Variants in ITGA6 observed in about 807,000 individuals in gnomAD.
ITGA6 encodes integrin alpha-6.
In ITGA6, 63 loss-of-function variants were observed where a neutral mutation model predicts 133.6. That is an observed-to-expected ratio of 0.47 (90% CI 0.38 to 0.58). The LOEUF is 0.58. Among genes scored for constraint, ITGA6 ranks in the 20% least tolerant of loss-of-function variants. The pLI, the probability that ITGA6 is intolerant of heterozygous loss-of-function variation, is 0.00. For synonymous variants in ITGA6, 434 were observed against 482.0 expected (o/e 0.90, Z 1.30); for missense variants, 1,068 against 1,309.4 (o/e 0.82, Z 2.85).
At position 172,427,608 on chromosome 2, in the gene ITGA6, G is replaced by T; in HGVS notation, c.-181G>T. On this transcript the variant is annotated 5_prime_UTR_variant, in exon 1 of 26. Coordinates refer to ENST00000684293, the MANE Select transcript of ITGA6 (RefSeq NM_000210.4). ...AACAACGGGCTCATTCAGCGGTCGC[G>T]AGCTGCCCGCGAGGGGGAGCGGCCG... 1 of 1,276,256 alleles carries T rather than the reference G, an allele frequency of 7.8e-7. No homozygotes were observed. The allele number at this position is 1,276,256 out of a possible 1,614,324, so 79.1% of individuals were successfully genotyped here.
chr2:172,470,969 T>G lies in ITGA6; in HGVS notation c.644-5T>G. On this transcript the variant is annotated splice_polypyrimidine_tract_variant and splice_region_variant and intron_variant, in intron 4 of 25. Coordinates refer to ENST00000684293, the MANE Select transcript of ITGA6 (RefSeq NM_000210.4). ...TTTGTTGTTTTTACCATTTCATTCC[T>G]TTAGGGATTGTTCGTGTAGAGCAAA... is the stretch of plus-strand genomic sequence containing the variant. The G allele has an allele frequency of 6.2e-7, 1 of 1,613,892 alleles. No individual in the cohort carries two copies. Among genetic ancestry groups the G allele is most frequent in the South Asian group, 1.1e-5 (1 of 91,080 alleles).
chr2:172,453,163 C>G (rs1685075257), intron 1 of ITGA6, among the ~76,000 whole-genome samples: 1 of 152,044 alleles, frequency 6.6e-6, no homozygotes, highest in Non-Finnish European at 1.5e-5. Flanking sequence ...GATTTGCAGA[C>G]AAAACTTTTT....
At chr2:172,469,812 T>C (rs754630194) in intron 4 of ITGA6, among the ~76,000 whole-genome samples, 2 of 152,186 alleles carry the variant, frequency 1.3e-5, no homozygotes, top group Non-Finnish European at 2.9e-5. Context: ...TTTCTCTCTG[T>C]ATATGTTATT....
At chr2:172,496,266 G>C (rs533018058) in intron 23 of ITGA6, among the ~76,000 whole-genome samples, 4 of 152,190 alleles carry the variant, frequency 2.6e-5, no homozygotes, top group East Asian at 1.9e-4. Flanking sequence ...GAGCCACGAG[G>C]CCACCTTGGG....
chr2:172,454,559 G>A (rs1425572592), intron 1 of ITGA6, among the ~76,000 whole-genome samples: 1 of 152,170 alleles, frequency 6.6e-6, no homozygotes, highest in Non-Finnish European at 1.5e-5. Flanking sequence ...CCATTGTTAG[G>A]ATCTGAGTTC....
chr2:172,500,416 G>A (rs1460784042), intron 24 of ITGA6, among the ~76,000 whole-genome samples: 2 of 152,140 alleles, frequency 1.3e-5, no homozygotes, highest in Admixed American at 6.5e-5. Context: ...GGATCACGAC[G>A]TCAGGAGATG....
rs145603810 is a variant in ITGA6, at chr2:172,465,328, CCT to C, written c.183-208_183-207del. ...GCCTATTTTCCTCGTTTTGGTATCC[CCT>C]CTTTGGCTTCCCCTGTTTAGTTGTG... is the stretch of plus-strand genomic sequence containing the variant. On this transcript the variant is annotated intron_variant, in intron 1 of 25. Coordinates refer to ENST00000684293, the MANE Select transcript of ITGA6 (RefSeq NM_000210.4). 8.1e-3 allele frequency: 5,109 copies of C among 629,396 alleles called. 187 individuals are homozygous for C. The African/African-American group carries it at 0.081, about 10-fold the overall frequency. The allele number at this position is 629,396 out of a possible 1,614,324, so 39.0% of individuals were successfully genotyped here.
chr2:172,491,882 A>G lies in ITGA6; in HGVS notation c.2988+359A>G, dbSNP rs1686943992. The stretch of plus-strand genomic sequence containing the variant: ...GCCCATCCCTTGGCCAGCTGTAATT[A>G]TTAAAAAAGATCTCTTCATAGCTGA... On this transcript the variant is annotated intron_variant, in intron 23 of 25. Transcript: ENST00000684293. This position sits in a 1 kb window ranked among gnomAD's most constrained non-coding sequence, Gnocchi z 4.4. Among the ~76,000 whole-genome samples, 1 of 152,134 alleles carries G rather than the reference A, an allele frequency of 6.6e-6. No homozygotes were observed. Among genetic ancestry groups the G allele is most frequent in the Non-Finnish European group, 1.5e-5 (1 of 68,012 alleles).
intron 23 of ITGA6, among the ~76,000 whole-genome samples, chr2:172,496,242 A>G (rs1423097995): frequency 2.0e-5 from 3 of 152,134 alleles, no homozygotes; most frequent in Admixed American, 6.5e-5. Context: ...AGGGGAGGGA[A>G]GGAGAGGGGA....
intron 1 of ITGA6, among the ~76,000 whole-genome samples, chr2:172,445,369 G>C (rs1024795411): frequency 1.4e-5 from 2 of 144,854 alleles, no homozygotes; most frequent in Non-Finnish European, 3.0e-5. Flanking sequence ...AAAAAAAAAG[G>C]CCGGGCGCGG....
intron 2 of ITGA6, chr2:172,465,978 T>A: frequency 2.3e-6 from 1 of 441,806 alleles, no homozygotes; most frequent in East Asian, 4.8e-5. Flanking sequence ...ATGAAGAGAA[T>A]GAATGAGCGT....
intron 6 of ITGA6, 100 bp from the exon 7 acceptor site, chr2:172,474,829 G>T: frequency 1.3e-6 from 1 of 754,538 alleles, no homozygotes; most frequent in Non-Finnish European, 2.5e-6. Flanking sequence ...TGGAGTTGAG[G>T]GCCTTTCTAT....
intron 1 of ITGA6, among the ~76,000 whole-genome samples, chr2:172,456,273 T>C (rs1318681008): frequency 1.3e-5 from 2 of 152,248 alleles, no homozygotes; most frequent in African/African-American, 4.8e-5. Context: ...TCAGGTATCC[T>C]GATCACGTGG....
intron 24 of ITGA6, among the ~76,000 whole-genome samples, chr2:172,500,472 T>C (rs1052912792): frequency 2.0e-5 from 3 of 152,044 alleles, no homozygotes; most frequent in Non-Finnish European, 2.9e-5. Flanking sequence ...CTACTAAATA[T>C]ACAAAAAATT....
At chr2:172,428,104 C>A in intron 1 of ITGA6, 134 bp downstream of exon 1, 1 of 746,918 alleles carries the variant, frequency 1.3e-6, no homozygotes, top group Non-Finnish European at 1.8e-6. Flanking sequence ...CCGAGGCGCA[C>A]CCAGCGCCCA....
At chr2:172,447,529 G>T (rs2149011274) in intron 1 of ITGA6, among the ~76,000 whole-genome samples, 1 of 152,296 alleles carries the variant, frequency 6.6e-6, no homozygotes, top group South Asian at 2.1e-4. Context: ...AAATGAGCTA[G>T]TTATATATTT....
chr2:172,465,477 T>A, intron 1 of ITGA6, 62 bp from the exon 2 acceptor site: 1 of 1,586,700 alleles, frequency 6.3e-7, no homozygotes, highest in Non-Finnish European at 8.6e-7. Flanking sequence ...TAGTTCTGAC[T>A]GATTTAACTG....
intron 24 of ITGA6, 99 bp downstream of exon 24, chr2:172,498,199 C>T: frequency 8.1e-7 from 1 of 1,230,298 alleles, no homozygotes; most frequent in Non-Finnish European, 1.2e-6. Context: ...TTCATTGCTT[C>T]CTTTTTTCTA....
intron 1 of ITGA6, among the ~76,000 whole-genome samples, chr2:172,460,408 A>G (rs1433687372): frequency 6.6e-6 from 1 of 152,196 alleles, no homozygotes; most frequent in African/African-American, 2.4e-5. Context: ...AGAGGTTTAA[A>G]TCTTTAAAAC....
Sources: allele counts gnomAD v4.1 joint callset (sites outside exome capture counted in the v4.1 genomes callset), GRCh38; gene constraint gnomAD v4.1.1; non-coding constraint Gnocchi (gnomAD v3.1); transcripts MANE v1.5; gene names NCBI Gene and HGNC (gene_info 2026-07-23, HGNC 2026-07-21).